CDH18: variants seen among roughly 807,000 people sequenced by gnomAD.
CDH18 encodes the protein cadherin 18.
A neutral mutation model predicts 67.9 loss-of-function variants in CDH18; 31 were observed. The ratio of observed to expected loss-of-function variants is 0.46; its 90% CI spans 0.34 to 0.62. The LOEUF (loss-of-function observed/expected upper bound fraction) is 0.62. Among genes scored for constraint, CDH18 ranks in the 20% least tolerant of loss-of-function variants. The pLI is 0.01. For missense variants in CDH18, 890 were observed against 975.5 expected (o/e 0.91, Z 1.17); for synonymous variants, 362 against 347.2 (o/e 1.04, Z -0.48).
intron 2 of CDH18, among the ~76,000 whole-genome samples, chr5:19,880,834 C>A (rs1373527027): frequency 6.6e-6 from 1 of 152,088 alleles, no homozygotes; most frequent in African/African-American, 2.4e-5. Context: ...CAGAAACTTT[C>A]CAAATAAAGA....
At chr5:20,091,295 G>A (rs540182379) in intron 2 of CDH18, among the ~76,000 whole-genome samples, 6 of 151,866 alleles carry the variant, frequency 4.0e-5, no homozygotes, top group African/African-American at 1.4e-4. Context: ...GACCTGCTTG[G>A]GCATCATAAC....
intron 2 of CDH18, among the ~76,000 whole-genome samples, chr5:20,227,848 CCTT>C (rs1741755685): frequency 6.6e-6 from 1 of 151,732 alleles, no homozygotes; most frequent in South Asian, 2.1e-4. Context: ...TAAGCACAAA[CCTT>C]CTTAGTTCCA....
intron 3 of CDH18, among the ~76,000 whole-genome samples, chr5:19,826,094 T>G (rs1249588281): frequency 6.6e-6 from 1 of 151,602 alleles, no homozygotes; most frequent in African/African-American, 2.4e-5. Flanking sequence ...CAATCCCAAG[T>G]ATTAACAGCA....
chr5:19,771,333 A>G (rs1436966150), intron 3 of CDH18, among the ~76,000 whole-genome samples: 4 of 152,212 alleles, frequency 2.6e-5, no homozygotes, highest in African/African-American at 9.6e-5. Context: ...CTTATCATCT[A>G]TCACTCTTTG....
intron 4 of CDH18, among the ~76,000 whole-genome samples, chr5:19,734,522 C>A (rs896936245): frequency 3.9e-5 from 6 of 151,944 alleles, no homozygotes; most frequent in Non-Finnish European, 7.4e-5. Flanking sequence ...TCACCAAAGG[C>A]CTTATGGTAG....
intron 2 of CDH18, among the ~76,000 whole-genome samples, chr5:20,253,859 C>T (rs1261466415): frequency 6.6e-6 from 1 of 152,102 alleles, no homozygotes; most frequent in East Asian, 1.9e-4. Context: ...CTCTAATTTC[C>T]CTAGAGGTTG....
chr5:19,596,251 G>C (rs1444768025), intron 6 of CDH18, among the ~76,000 whole-genome samples: 5 of 152,160 alleles, frequency 3.3e-5, no homozygotes, highest in African/African-American at 1.2e-4. Flanking sequence ...CATAAAATCA[G>C]CATCAAAGAG....
chr5:20,170,062 G>T (rs997095260), intron 2 of CDH18, among the ~76,000 whole-genome samples: 1 of 151,290 alleles, frequency 6.6e-6, no homozygotes, highest in Non-Finnish European at 1.5e-5. Flanking sequence ...TGTGCAGAAC[G>T]TGCAGGTTTG....
intron 1 of CDH18, among the ~76,000 whole-genome samples, chr5:20,336,198 G>GC (rs1739713941): frequency 6.6e-6 from 1 of 151,988 alleles, no homozygotes; most frequent in South Asian, 2.1e-4. Flanking sequence ...CACAAATGAT[G>GC]CCCCCTCTCA....
intron 2 of CDH18, among the ~76,000 whole-genome samples, chr5:20,226,984 T>A (rs1741684508): frequency 6.6e-6 from 1 of 152,080 alleles, no homozygotes; most frequent in Admixed American, 6.6e-5. Context: ...TGAATGTGCT[T>A]TTACTCATTC....
intron 1 of CDH18, among the ~76,000 whole-genome samples, chr5:20,373,339 AG>A (rs1280963656): frequency 3.3e-5 from 5 of 152,132 alleles, no homozygotes; most frequent in African/African-American, 1.2e-4. Context: ...TTTCTACCCC[AG>A]GGCCTTTGCA....
intron 5 of CDH18, among the ~76,000 whole-genome samples, chr5:19,699,630 G>C (rs1034948401): frequency 1.6e-5 from 2 of 127,632 alleles, no homozygotes; most frequent in South Asian, 2.7e-4. Context: ...GTGTGTGTGT[G>C]TGTGTGTGTG....
rs149669153 is a variant in CDH18, at chr5:19,630,133, G to C, written c.644-17532C>G. 4.5e-3 allele frequency among the ~76,000 whole-genome samples: 690 copies of C among 152,022 alleles called. 19 individuals carry two copies. The highest frequency in any genetic ancestry group is 0.035 in the Admixed American group (538 of 15,240). ...TTTTTTTAATTTTTAGTAGAGACAG[G>C]GTTTCTCCATGTTAGCCAGCCTGGT... On this transcript the variant is annotated intron_variant, in intron 5 of 12. Transcript: ENST00000382275.
At chr5:20,355,906 A>C (rs763980991) in intron 1 of CDH18, among the ~76,000 whole-genome samples, 2 of 152,234 alleles carry the variant, frequency 1.3e-5, no homozygotes, top group African/African-American at 2.4e-5. Context: ...AAATTAACTT[A>C]GGTAATGTTA....
chr5:19,671,236 G>T (rs1313260441), intron 5 of CDH18, among the ~76,000 whole-genome samples: 1 of 152,038 alleles, frequency 6.6e-6, no homozygotes, highest in Non-Finnish European at 1.5e-5. Context: ...GTGCTCTCAG[G>T]TCACCACCTT....
intron 1 of CDH18, among the ~76,000 whole-genome samples, chr5:20,320,319 A>C (rs1737881490): frequency 6.6e-6 from 1 of 152,172 alleles, no homozygotes; most frequent in African/African-American, 2.4e-5. Context: ...TCTAAGAATC[A>C]GACAAAGAGT....
intron 3 of CDH18, among the ~76,000 whole-genome samples, chr5:19,810,672 T>C (rs1561349052): frequency 1.3e-5 from 2 of 152,078 alleles, no homozygotes; most frequent in African/African-American, 2.4e-5. Context: ...GTAAAAATCT[T>C]AATCAATTAA....
In CDH18 at chr5:19,717,491, C is replaced by A. The variant is rs192230202; in HGVS notation, c.643+3856G>T. On this transcript the variant is annotated intron_variant, in intron 5 of 12. Transcript: ENST00000382275. ...CTGTCTCCAACCTATGTTATGGGAA[C>A]TAGTTCTTTTGTGTAGGAATTTGAT... 5.0e-3 allele frequency among the ~76,000 whole-genome samples: 764 copies of A among 152,082 alleles called. 12 individuals are homozygous for A. Among genetic ancestry groups the A allele is most frequent in the Admixed American group, 0.04 (611 of 15,268 alleles).
At chr5:19,827,784 G>A (rs922138742) in intron 3 of CDH18, among the ~76,000 whole-genome samples, 3 of 151,978 alleles carry the variant, frequency 2.0e-5, no homozygotes, top group Non-Finnish European at 4.4e-5. Flanking sequence ...ACTTCAAAAC[G>A]TTAGAAAGAT....
Sources: allele counts gnomAD v4.1 joint callset (sites outside exome capture counted in the v4.1 genomes callset), GRCh38; gene constraint gnomAD v4.1.1; transcripts MANE v1.5; gene names NCBI Gene and HGNC (gene_info 2026-07-23, HGNC 2026-07-21).